The following CASK variants were observed in gnomAD, a reference collection of about 807,000 sequenced individuals.
The protein encoded by CASK is calcium/calmodulin dependent serine protein kinase, also known as peripheral plasma membrane protein CASK.
In CASK, 4 loss-of-function variants were observed where a neutral mutation model predicts 82.9. The ratio of observed to expected loss-of-function variants is 0.05; its 90% CI spans 0.02 to 0.11. CASK has a LOEUF of 0.11. Ranked by LOEUF, CASK falls within the 10% of genes least tolerant of loss-of-function variation. CASK has a pLI of 1.00. For synonymous variants in CASK, 259 were observed against 253.5 expected, an observed-to-expected ratio of 1.02 and a Z score of -0.20; for missense variants, 358 against 720.9, an observed-to-expected ratio of 0.50 and a Z score of 5.76.
At chrX:41,659,005 A>G (rs1257174973) in intron 8 of CASK, among the ~76,000 whole-genome samples, 2 of 111,512 alleles carry the variant, frequency 1.8e-5, no homozygotes, top group African/African-American at 6.5e-5. Context: ...TTGTAGGGTC[A>G]GGAGAAGGTA....
rs1196242306 is a variant in CASK at position 41,517,170 on chromosome X, CG to C, written c.*3249del. On this transcript the variant is annotated 3_prime_UTR_variant, in exon 27 of 27. Coordinates refer to ENST00000378163, the MANE Select transcript of CASK (RefSeq NM_001367721.1). ...TCTAGCAGCCTAAGAAGGAATTGGACGGGGAACAGGAACACCTCCTGCATTT... is the reference window on the plus strand; with the variant it reads ...TCTAGCAGCCTAAGAAGGAATTGGACGGGAACAGGAACACCTCCTGCATTT... The C allele has an allele frequency of 8.8e-6, 1 of 113,501 alleles. No homozygotes were observed. The highest frequency in any genetic ancestry group is 2.8e-4 in the East Asian group (1 of 3,596). 9.4% of individuals were successfully genotyped at this position (113,501 alleles called of 1,213,427 possible). A position where few individuals can be genotyped will look rare whatever the true frequency, so the allele number is the denominator to read the frequency against.
intron 15 of CASK, among the ~76,000 whole-genome samples, chrX:41,571,906 T>C (rs1160868295): frequency 9.0e-6 from 1 of 111,666 alleles, no homozygotes; most frequent in Non-Finnish European, 1.9e-5. Flanking sequence ...TCCTCTTTAA[T>C]TCATGGGTTA....
chrX:41,676,212 T>G, intron 5 of CASK: 2 of 1,185,244 alleles, frequency 1.7e-6, no homozygotes, highest in African/African-American at 3.5e-5. Flanking sequence ...AGTACATCAT[T>G]GCAGATATCT....
intron 16 of CASK, among the ~76,000 whole-genome samples, chrX:41,564,118 T>C (rs1005048492): frequency 1.8e-5 from 2 of 111,917 alleles, no homozygotes; most frequent in Non-Finnish European, 3.8e-5. Context: ...ATCTGAGAAA[T>C]GCAAGGGTAG....
chrX:41,842,569 G>GAAAAAAAAAAAA (rs375808137), intron 2 of CASK, among the ~76,000 whole-genome samples: 1 of 94,182 alleles, frequency 1.1e-5, no homozygotes. Context: ...CTGTCTCCAG[G>GAAAAAAAAAAAA]AAAAAAAAAA....
chrX:41,850,856 A>G (rs2071250074), intron 2 of CASK, among the ~76,000 whole-genome samples: 1 of 111,634 alleles, frequency 9.0e-6, no homozygotes, highest in Non-Finnish European at 1.9e-5. Flanking sequence ...TTTACTATTT[A>G]TTACATATAT....
intron 26 of CASK, among the ~76,000 whole-genome samples, chrX:41,520,902 C>T (rs1228799657): frequency 8.9e-6 from 1 of 112,190 alleles, no homozygotes; most frequent in Non-Finnish European, 1.9e-5. Flanking sequence ...TCCCCAGAGT[C>T]AGGCTTGGTA....
intron 2 of CASK, among the ~76,000 whole-genome samples, chrX:41,800,651 C>G (rs985748210): frequency 6.4e-5 from 7 of 108,843 alleles, no homozygotes; most frequent in South Asian, 4.1e-4. Context: ...ATCCCTCCCC[C>G]CTTCCCCCAC....
At chrX:41,521,311 T>TC (rs1313772129) in intron 26 of CASK, among the ~76,000 whole-genome samples, 1 of 111,331 alleles carries the variant, frequency 9.0e-6, no homozygotes, top group Non-Finnish European at 1.9e-5. Context: ...ATCTGATGAA[T>TC]CCCCCCAAAT....
intron 1 of CASK, among the ~76,000 whole-genome samples, chrX:41,893,014 C>G (rs1351739416): frequency 9.0e-6 from 1 of 111,696 alleles, no homozygotes; most frequent in Non-Finnish European, 1.9e-5. Flanking sequence ...ATGATGAGAG[C>G]CAGTAGAAAT....
intron 5 of CASK, among the ~76,000 whole-genome samples, chrX:41,716,458 G>A (rs1472839931): frequency 8.9e-6 from 1 of 112,563 alleles, no homozygotes; most frequent in Non-Finnish European, 1.9e-5. Context: ...TGAGGTATCC[G>A]GGAAGAGGAG....
intron 22 of CASK, among the ~76,000 whole-genome samples, chrX:41,540,983 T>C (rs1334190118): frequency 8.9e-6 from 1 of 112,296 alleles, no homozygotes; most frequent in East Asian, 2.8e-4. Flanking sequence ...TTCTTTGCTT[T>C]TCTAGGTGTA....
At chrX:41,812,440 C>G (rs1171896586) in intron 2 of CASK, among the ~76,000 whole-genome samples, 3 of 110,818 alleles carry the variant, frequency 2.7e-5, no homozygotes, top group Admixed American at 9.6e-5. Context: ...TTCAACATAT[C>G]CAAATCAATA....
chrX:41,905,539 G>A (rs1046917292), intron 1 of CASK, among the ~76,000 whole-genome samples: 1 of 112,857 alleles, frequency 8.9e-6, no homozygotes, highest in African/African-American at 3.2e-5. Flanking sequence ...TTGGAGAAAT[G>A]TCTGTTCAGT....
intron 21 of CASK, among the ~76,000 whole-genome samples, chrX:41,548,985 G>A (rs1303408605): frequency 9.0e-6 from 1 of 111,477 alleles, no homozygotes; most frequent in Non-Finnish European, 1.9e-5. Flanking sequence ...AGGTCAACCT[G>A]GAAGGAAATT....
intron 16 of CASK, 116 bp downstream of exon 16, chrX:41,569,552 G>A: frequency 1.8e-6 from 1 of 553,030 alleles, no homozygotes; most frequent in African/African-American, 2.3e-5. Flanking sequence ...GACCAGTCTG[G>A]GCAACATAGT....
At chrX:41,909,628 T>G (rs1294545528) in intron 1 of CASK, among the ~76,000 whole-genome samples, 2 of 110,604 alleles carry the variant, frequency 1.8e-5, no homozygotes, top group Admixed American at 1.9e-4. Flanking sequence ...TTTTTTTTTC[T>G]TAGTCTCGCT....
intron 5 of CASK, among the ~76,000 whole-genome samples, chrX:41,711,999 T>C (rs917487472): frequency 8.9e-6 from 1 of 112,860 alleles, no homozygotes; most frequent in Non-Finnish European, 1.9e-5. Context: ...GTACAAGCCA[T>C]AGCACAGGTG....
At position 41,524,002 on chromosome X, in the gene CASK, A is replaced by G; in HGVS notation, c.2553T>C (p.Ala851=). The change falls in exon 26 of 27, where the codon GCT becomes GCC. Residue 851 remains alanine (A), a synonymous_variant. Transcript: ENST00000378163. The part of the protein sequence containing the change: ...ALKVLRTAEF[A]PFVVFIAAPT... ...GTGCAGCAATGAAAACAACAAAAGG[A>G]GCAAACTCTGCAGTTCTCAGGACCT... is the stretch of plus-strand genomic sequence containing the variant. 8.3e-7 allele frequency: 1 copy of G among 1,200,405 alleles called. No individual in the cohort carries two copies. The highest frequency in any genetic ancestry group is 1.1e-6 in the Non-Finnish European group (1 of 887,053).
Sources: gnomAD v4.1 joint callset for allele counts (sites outside exome capture counted in the v4.1 genomes callset) on GRCh38, gnomAD v4.1.1 for gene constraint, MANE v1.5 for transcripts, NCBI Gene and HGNC (gene_info 2026-07-23, HGNC 2026-07-21) for gene names.